Variants in POLR2F observed in about 807,000 individuals in gnomAD.
POLR2F encodes the protein RNA polymerase II, I and III subunit F.
In POLR2F, 12 loss-of-function variants were observed where a neutral mutation model predicts 22.7. That is an observed-to-expected ratio of 0.53 (90% CI 0.34 to 0.86). The LOEUF is 0.86. POLR2F is among the 40% of genes least tolerant of loss of function. The pLI is 0.02. For missense variants in POLR2F, 126 were observed against 171.5 expected (o/e 0.73, Z 1.48); for synonymous variants, 57 against 66.0 (o/e 0.86, Z 0.66).
At chr22:37,979,137 G>T (rs183501505) in intron 4 of POLR2F, among the ~76,000 whole-genome samples, 47 of 151,528 alleles carry the variant, frequency 3.1e-4, no homozygotes, top group Middle Eastern at 6.8e-3. Flanking sequence ...TCACTCTGTC[G>T]CCCAGGCTGG....
rs139650912 is a variant in POLR2F, at chr22:37,960,588, G to A, written c.221+1112G>A. 5.3e-5 allele frequency among the ~76,000 whole-genome samples: 8 copies of A among 151,908 alleles called. No homozygotes were observed. The East Asian group carries it at 1.2e-3, about 22-fold the overall frequency. On this transcript the variant is annotated intron_variant, in intron 3 of 4. Coordinates refer to ENST00000442738, the MANE Select transcript of POLR2F (RefSeq NM_021974.5). The stretch of plus-strand genomic sequence containing the variant: ...AGCTTTTTGTATTTTTAGTGGAGAC[G>A]GGGTTTCACCATGTTAGCCAGGGTG...
intron 5 of POLR2F, chr22:38,032,810 A>C (rs1424247907): frequency 1.3e-5 from 2 of 153,888 alleles, no homozygotes; most frequent in Admixed American, 6.5e-5. Flanking sequence ...TCAGCAAGGA[A>C]GCTGCCTGGA....
Position 37,968,234 on chromosome 22 carries a change from G to C in POLR2F, c.*519G>C. 4.1e-6 allele frequency: 4 copies of C among 985,490 alleles called. No individual in the cohort carries two copies. Among genetic ancestry groups the C allele is most frequent in the Non-Finnish European group, 4.8e-6 (4 of 829,992 alleles). The allele number at this position is 985,490 out of a possible 1,614,324, so 61.0% of individuals were successfully genotyped here. The stretch of plus-strand genomic sequence containing the variant: ...CAGGAGCAGTGCCCCAGCAGGAAGC[G>C]TGGGGGTGTGCTGATCTCCCACCCT... On this transcript the variant is annotated 3_prime_UTR_variant, in exon 5 of 5. Coordinates refer to ENST00000442738, the MANE Select transcript of POLR2F (RefSeq NM_021974.5).
intron 4 of POLR2F, among the ~76,000 whole-genome samples, chr22:37,975,917 T>C (rs1932205077): frequency 6.8e-6 from 1 of 147,536 alleles, no homozygotes; most frequent in South Asian, 2.1e-4. Context: ...TGCACTTGTT[T>C]CTCTCTCTAT....
In POLR2F at chr22:37,967,514, A is replaced by T. The variant is rs190632585; in HGVS notation, c.294-111A>T. On this transcript the variant is annotated intron_variant, in intron 4 of 4. Coordinates refer to ENST00000442738, the MANE Select transcript of POLR2F (RefSeq NM_021974.5). ...ACAAAGTACACTCATCAGCCCCAAG[A>T]GGCTGCTCCTAAGACTTCTCTTTGC... 439 of 1,516,950 alleles carry T rather than the reference A, an allele frequency of 2.9e-4. 6 individuals carry two copies. The East Asian group carries it at 9.5e-3, about 33-fold the overall frequency. 94.0% of individuals were successfully genotyped at this position (1,516,950 alleles called of 1,614,324 possible).
chr22:37,963,655 G>A (rs1028710601), intron 3 of POLR2F, among the ~76,000 whole-genome samples: 2 of 152,076 alleles, frequency 1.3e-5, no homozygotes, highest in Non-Finnish European at 2.9e-5. Flanking sequence ...CATTCTATGG[G>A]GCACACTAAT....
intron 3 of POLR2F, among the ~76,000 whole-genome samples, chr22:37,960,839 A>ATTTTCTT: frequency 7.6e-6 from 1 of 132,330 alleles, no homozygotes; most frequent in Admixed American, 8.0e-5. Flanking sequence ...GGCCGGTGCA[A>ATTTTCTT]TTTTCTTTTT....
chr22:38,027,592 C>T (rs1287541765), downstream of POLR2F, among the ~76,000 whole-genome samples: 6 of 152,116 alleles, frequency 3.9e-5, no homozygotes, highest in African/African-American at 1.4e-4. Context: ...TGTCACAGCT[C>T]CCGATCCTCC....
intron 1 of POLR2F, among the ~76,000 whole-genome samples, chr22:38,024,246 A>G (rs191296389): frequency 2.0e-5 from 3 of 152,284 alleles, no homozygotes; most frequent in East Asian, 3.9e-4. Flanking sequence ...AATGTCTTCA[A>G]GTTTCATCTA....
chr22:38,014,233 T>C (rs2084896730), intron 1 of POLR2F, among the ~76,000 whole-genome samples: 1 of 152,124 alleles, frequency 6.6e-6, no homozygotes, highest in Non-Finnish European at 1.5e-5. Context: ...TTACTTAGGA[T>C]TTTCTATATA....
chr22:38,039,437 C>CACAG (rs2085150383), intron 5 of POLR2F, among the ~76,000 whole-genome samples: 1 of 152,172 alleles, frequency 6.6e-6, no homozygotes. Flanking sequence ...GAAACTGAGG[C>CACAG]ACAGAGAGGC....
At chr22:37,999,454 C>T (rs1028307498) in intron 1 of POLR2F, among the ~76,000 whole-genome samples, 1 of 152,058 alleles carries the variant, frequency 6.6e-6, no homozygotes. Flanking sequence ...TCCTGACATC[C>T]GAATGTCATA....
chr22:37,971,871 G>T (rs1318828159), downstream of POLR2F, among the ~76,000 whole-genome samples: 2 of 152,016 alleles, frequency 1.3e-5, no homozygotes, highest in East Asian at 3.9e-4. Context: ...TTCTAGCTGA[G>T]CCAGTTAAGA....
intron 1 of POLR2F, chr22:37,987,351 G>T: frequency 2.2e-6 from 1 of 453,532 alleles, no homozygotes; most frequent in South Asian, 1.6e-5. Flanking sequence ...ATACCTGTCA[G>T]TCAAACGTGA....
At chr22:37,955,601 G>A in intron 1 of POLR2F, among the ~76,000 whole-genome samples, 1 of 151,780 alleles carries the variant, frequency 6.6e-6, no homozygotes, top group South Asian at 2.1e-4. Context: ...TGATGAATGA[G>A]TACTAGCAAT....
rs1170349690 is a variant in POLR2F, at chr22:37,978,278, G to A, written c.293+11108G>A. Reference sequence around the variant, plus strand: ...CACCCAGAGGACAGGACCCGGGGTGGGGGCTGTGCCCTATGATTTGTGGAC... The same window carrying A: ...CACCCAGAGGACAGGACCCGGGGTGAGGGCTGTGCCCTATGATTTGTGGAC... On this transcript the variant is annotated intron_variant, in intron 4 of 4. Coordinates refer to the POLR2F transcript ENST00000405557. The surrounding 1 kb of genome is among the most constrained non-coding windows in gnomAD (Gnocchi z 5.0). The A allele has an allele frequency of 3.5e-6, 3 of 866,198 alleles. No individual in the cohort carries two copies. The highest frequency in any genetic ancestry group is 5.1e-6 in the Non-Finnish European group (3 of 584,564). The allele number at this position is 866,198 out of a possible 1,614,324, so 53.7% of individuals were successfully genotyped here.
intron 5 of POLR2F, chr22:38,040,985 A>C: frequency 1.2e-6 from 2 of 1,601,738 alleles, no homozygotes; most frequent in South Asian, 2.2e-5. Context: ...TCAAAGGCTG[A>C]AGTTCTTCAT....
chr22:38,012,590 G>A (rs946544287), intron 1 of POLR2F, among the ~76,000 whole-genome samples: 7 of 151,890 alleles, frequency 4.6e-5, no homozygotes, highest in South Asian at 2.1e-4. Context: ...CATTAATGTC[G>A]TTGTTGTTGT....
chr22:38,034,620 C>T (rs2085097276), intron 5 of POLR2F, among the ~76,000 whole-genome samples: 1 of 152,232 alleles, frequency 6.6e-6, no homozygotes, highest in Non-Finnish European at 1.5e-5. Flanking sequence ...CTGGACCCCT[C>T]TCTGAGCCTC....
Sources: allele counts gnomAD v4.1 joint callset (sites outside exome capture counted in the v4.1 genomes callset), GRCh38; gene constraint gnomAD v4.1.1; non-coding constraint Gnocchi (gnomAD v3.1); transcripts MANE v1.5; gene names NCBI Gene and HGNC (gene_info 2026-07-23, HGNC 2026-07-21).